Variants in ADAMTS3 observed in about 807,000 individuals in gnomAD.
ADAMTS3 encodes ADAM metallopeptidase with thrombospondin type 1 motif 3, also known as A disintegrin and metalloproteinase with thrombospondin motifs 3.
In ADAMTS3, 73 loss-of-function variants were observed where a neutral mutation model predicts 129.0. The ratio of observed to expected loss-of-function variants is 0.57; its 90% confidence interval spans 0.47 to 0.69. The LOEUF is 0.69. Among genes scored for constraint, ADAMTS3 ranks in the 30% least tolerant of loss-of-function variants. ADAMTS3 has a pLI of 0.00. For synonymous variants in ADAMTS3, 477 were observed against 510.8 expected, an observed-to-expected ratio of 0.93 and a Z score of 0.89; for missense variants, 1,457 against 1,514.5, an observed-to-expected ratio of 0.96 and a Z score of 0.63.
chr4:72,426,203 T>C (rs539363762), intron 3 of ADAMTS3, among the ~76,000 whole-genome samples: 1 of 152,326 alleles, frequency 6.6e-6, no homozygotes, highest in African/African-American at 2.4e-5. Context: ...CTTATAAATT[T>C]GTTTGAGTTC....
At chr4:72,320,116 G>T (rs1719514798) in intron 7 of ADAMTS3, among the ~76,000 whole-genome samples, 153 bp from the exon 8 acceptor site, 1 of 152,118 alleles carries the variant, frequency 6.6e-6, no homozygotes, top group Admixed American at 6.5e-5. Flanking sequence ...CATTCTCTTG[G>T]GAAAGCCACA....
In ADAMTS3 at chr4:72,313,757, C is replaced by T. The variant is rs768450732; in HGVS notation, c.1665G>A (p.Gly555=). 16 of 1,613,726 alleles carry T rather than the reference C, an allele frequency of 9.9e-6. No individual in the cohort carries two copies. The highest frequency in any genetic ancestry group is 1.4e-5 in the Non-Finnish European group (16 of 1,179,862). Residue 555 remains glycine (G), a synonymous_variant, in exon 12 of 22, where the codon GGG becomes GGA. Coordinates refer to ENST00000286657, the MANE Select transcript of ADAMTS3 (RefSeq NM_014243.3). ...AACAGGAGCCAAATTTAGTCCATGA[C>T]CCCCAATTGCCATCTTGTTTTTGCT... ...ANQQKQDGNW[G]SWTKFGSCSR...
At chr4:72,529,098 C>T (rs920863301) in intron 3 of ADAMTS3, among the ~76,000 whole-genome samples, 1 of 152,022 alleles carries the variant, frequency 6.6e-6, no homozygotes, top group South Asian at 2.1e-4. Flanking sequence ...ATATGAACCC[C>T]TATTTATTAT....
At chr4:72,496,216 C>A (rs937399131) in intron 3 of ADAMTS3, among the ~76,000 whole-genome samples, 18 of 152,164 alleles carry the variant, frequency 1.2e-4, no homozygotes, top group Admixed American at 5.2e-4. Context: ...ATGATTAACA[C>A]GTCATCACAG....
intron 17 of ADAMTS3, among the ~76,000 whole-genome samples, chr4:72,301,912 G>A (rs1363095655): frequency 6.6e-6 from 1 of 151,962 alleles, no homozygotes; most frequent in Non-Finnish European, 1.5e-5. Context: ...CATGACTGAG[G>A]GTTGGTCTGT....
intron 3 of ADAMTS3, among the ~76,000 whole-genome samples, chr4:72,510,910 T>C (rs1198255877): frequency 6.7e-6 from 1 of 148,590 alleles, no homozygotes; most frequent in Non-Finnish European, 1.5e-5. Flanking sequence ...AACAGCATGA[T>C]ACTGGTATAA....
chr4:72,430,746 C>T (rs1217918571), intron 3 of ADAMTS3, among the ~76,000 whole-genome samples: 3 of 150,572 alleles, frequency 2.0e-5, no homozygotes, highest in Admixed American at 6.6e-5. Flanking sequence ...AAAAACCATA[C>T]GTTATTTTTA....
intron 3 of ADAMTS3, among the ~76,000 whole-genome samples, chr4:72,517,426 T>C (rs1481498083): frequency 6.6e-6 from 1 of 152,234 alleles, no homozygotes; most frequent in Non-Finnish European, 1.5e-5. Flanking sequence ...AGTTCCTCCT[T>C]GTACCTCTGG....
In ADAMTS3 at chr4:72,283,126, G is replaced by T. The variant is rs201954148; in HGVS notation, c.*10C>A. On this transcript the variant is annotated 3_prime_UTR_variant, in exon 22 of 22. Transcript: ENST00000286657. ...TTTCCTCTGGTTTCTAGCCTTTTTGGTTCACTTTCTCATCTTTCTAAGGTG... is the reference window on the plus strand; with the variant it reads ...TTTCCTCTGGTTTCTAGCCTTTTTGTTTCACTTTCTCATCTTTCTAAGGTG... 2.5e-6 allele frequency: 4 copies of T among 1,580,958 alleles called. No homozygotes were observed. Among genetic ancestry groups the T allele is most frequent in the Admixed American group, 3.6e-5 (2 of 55,864 alleles).
At chr4:72,430,078 CA>C (rs1333885400) in intron 3 of ADAMTS3, among the ~76,000 whole-genome samples, 2 of 152,046 alleles carry the variant, frequency 1.3e-5, no homozygotes, top group African/African-American at 2.4e-5. Context: ...TCCCATGAAT[CA>C]AATTAGGTCA....
intron 3 of ADAMTS3, among the ~76,000 whole-genome samples, chr4:72,480,117 C>T (rs374193847): frequency 6.6e-6 from 1 of 152,126 alleles, no homozygotes; most frequent in Non-Finnish European, 1.5e-5. Context: ...CGAGTTCAAC[C>T]ATTGTGGAAG....
At chr4:72,415,563 C>A (rs1722282991) in intron 3 of ADAMTS3, among the ~76,000 whole-genome samples, 1 of 151,890 alleles carries the variant, frequency 6.6e-6, no homozygotes, top group Non-Finnish European at 1.5e-5. Flanking sequence ...TTTGTCCTAG[C>A]TTAATCTAAC....
Position 72,511,666 on chromosome 4 carries a change from A to T in ADAMTS3, c.504+36812T>A, listed in dbSNP as rs940594078. On this transcript the variant is annotated intron_variant, in intron 3 of 21. Coordinates refer to ENST00000286657, the MANE Select transcript of ADAMTS3 (RefSeq NM_014243.3). ...GTACTGTTGCACACTGTTAATGAGA[A>T]TGTAAATTAGTATAACCACAATGGA... Among the ~76,000 whole-genome samples, 5 of 152,206 alleles carry T rather than the reference A, an allele frequency of 3.3e-5. No homozygotes were observed. In the East Asian group the frequency reaches 9.6e-4, roughly 29 times the overall value.
intron 3 of ADAMTS3, among the ~76,000 whole-genome samples, chr4:72,424,222 G>A (rs12511211): frequency 0.67 from 101,408 of 151,732 alleles, 34,057 homozygotes; most frequent in South Asian, 0.79. Context: ...AGAGTCCTAC[G>A]TTAAAGAAAA....
chr4:72,311,280 T>C, intron 13 of ADAMTS3, 99 bp from the exon 14 acceptor site: 1 of 1,092,644 alleles, frequency 9.2e-7, no homozygotes, highest in African/African-American at 1.6e-5. Context: ...CACTGTGATT[T>C]CCTGAAAACA....
At chr4:72,329,296 G>A (rs1303958664) in intron 5 of ADAMTS3, among the ~76,000 whole-genome samples, 1 of 152,188 alleles carries the variant, frequency 6.6e-6, no homozygotes, top group Admixed American at 6.5e-5. Context: ...AGGAGTTAAG[G>A]ATTGGGTACT....
chr4:72,530,517 TAA>T (rs1326610893), intron 3 of ADAMTS3, among the ~76,000 whole-genome samples: 4 of 58,252 alleles, frequency 6.9e-5, no homozygotes, highest in African/African-American at 3.1e-4. Flanking sequence ...TATTTATATA[TAA>T]ATATATTAAT....
intron 5 of ADAMTS3, 42 bp from the exon 6 acceptor site, chr4:72,323,139 C>G (rs574999886): frequency 6.7e-7 from 1 of 1,493,252 alleles, no homozygotes; most frequent in East Asian, 2.3e-5. Flanking sequence ...AAGGAAACAC[C>G]GAGGATTTCA....
chr4:72,333,881 G>A (rs372876640), intron 5 of ADAMTS3, among the ~76,000 whole-genome samples: 95 of 100,994 alleles, frequency 9.4e-4, no homozygotes, highest in African/African-American at 3.5e-3. Flanking sequence ...ACGGAGTCTT[G>A]CTCTGTTGCC....
Sources: gnomAD v4.1 joint callset for allele counts (sites outside exome capture counted in the v4.1 genomes callset) on GRCh38, gnomAD v4.1.1 for gene constraint, MANE v1.5 for transcripts, NCBI Gene and HGNC (gene_info 2026-07-23, HGNC 2026-07-21) for gene names.